The following GPR158 variants were observed in gnomAD, a reference collection of about 807,000 sequenced individuals.
The protein encoded by GPR158 is G protein-coupled receptor 158.
In GPR158, 30 loss-of-function variants were observed where a neutral mutation model predicts 78.2. The observed-to-expected ratio is 0.38, with a 90% CI of 0.29 to 0.52. The LOEUF (loss-of-function observed/expected upper bound fraction) is 0.52, where lower values mean the gene tolerates loss of function less well. Ranked by LOEUF, GPR158 falls within the 20% of genes least tolerant of loss-of-function variation. GPR158 has a pLI of 0.83. For missense variants in GPR158, 1,463 were observed against 1,523.5 expected (o/e 0.96, Z 0.66); for synonymous variants, 581 against 591.1 (o/e 0.98, Z 0.25).
intron 6 of GPR158, among the ~76,000 whole-genome samples, chr10:25,556,625 CATTCTT>C (rs1836790113): frequency 6.6e-6 from 1 of 152,134 alleles, no homozygotes; most frequent in African/African-American, 2.4e-5. Flanking sequence ...AAACAGGACT[CATTCTT>C]AAGCTTCTGA....
At chr10:25,304,747 A>G (rs1490187350) in intron 2 of GPR158, among the ~76,000 whole-genome samples, 1 of 152,156 alleles carries the variant, frequency 6.6e-6, no homozygotes, top group East Asian at 1.9e-4. Context: ...GTAGGCTAAT[A>G]AGTATCACAG....
rs1033931648 is a variant in GPR158 at position 25,599,317 on chromosome 10, A to G, written c.*43A>G. The G allele has an allele frequency of 1.6e-5, 22 of 1,362,464 alleles. No homozygotes were observed. The highest frequency in any genetic ancestry group is 2.0e-5 in the Non-Finnish European group (20 of 979,882). The allele number at this position is 1,362,464 out of a possible 1,614,324, so 84.4% of individuals were successfully genotyped here. On this transcript the variant is annotated 3_prime_UTR_variant, in exon 11 of 11. Transcript: ENST00000376351. ...GGAAAAGGAGGGAACCCCGGATTGG[A>G]TATGAGACAGAAGATATAAGAATCA...
At chr10:25,333,826 T>C (rs1352123991) in intron 2 of GPR158, among the ~76,000 whole-genome samples, 1 of 152,208 alleles carries the variant, frequency 6.6e-6, no homozygotes, top group East Asian at 1.9e-4. Context: ...GACGATTTCC[T>C]GGAGCTTTGA....
At chr10:25,307,475 C>T (rs1337572934) in intron 2 of GPR158, among the ~76,000 whole-genome samples, 1 of 150,216 alleles carries the variant, frequency 6.7e-6, no homozygotes, top group Non-Finnish European at 1.5e-5. Context: ...TGTTGCCCTC[C>T]TGGGGTCAAG....
At chr10:25,522,853 A>G (rs1389977879) in intron 5 of GPR158, among the ~76,000 whole-genome samples, 2 of 152,194 alleles carry the variant, frequency 1.3e-5, no homozygotes, top group Non-Finnish European at 2.9e-5. Flanking sequence ...TTAAAGACCC[A>G]TAGTGATTGT....
chr10:25,574,172 A>AC (rs1837055433), intron 7 of GPR158, among the ~76,000 whole-genome samples: 2 of 134,532 alleles, frequency 1.5e-5, no homozygotes, highest in African/African-American at 5.6e-5. Flanking sequence ...AAAAAAAAAA[A>AC]CCTCAAAATA....
At chr10:25,335,764 A>C (rs75573038) in intron 2 of GPR158, among the ~76,000 whole-genome samples, 3,768 of 152,180 alleles carry the variant, frequency 0.025, 160 homozygotes, top group African/African-American at 0.086. Context: ...GCCATTTTAT[A>C]GTAAAAAACA....
Position 25,561,665 on chromosome 10 carries a change from C to A in GPR158, c.1514+10580C>A, listed in dbSNP as rs186845424. 2.6e-4 allele frequency among the ~76,000 whole-genome samples: 39 copies of A among 148,954 alleles called. No individual in the cohort carries two copies. The East Asian group carries it at 6.2e-3, about 24-fold the overall frequency. ...ATGTCCTTTATTTGCAATATTATTACAACTGAAAAGGCTTCAAAGGAGTGG... is the reference window on the plus strand; with the variant it reads ...ATGTCCTTTATTTGCAATATTATTAAAACTGAAAAGGCTTCAAAGGAGTGG... On this transcript the variant is annotated intron_variant, in intron 6 of 10. Transcript: ENST00000376351.
At chr10:25,584,456 G>A (rs976361) in intron 7 of GPR158, among the ~76,000 whole-genome samples, 53,328 of 151,978 alleles carry the variant, frequency 0.35, 9,532 homozygotes, top group East Asian at 0.49. Context: ...CAACCGAGCT[G>A]TTATGAGAAA....
intron 7 of GPR158, among the ~76,000 whole-genome samples, chr10:25,588,347 G>A (rs533317489): frequency 9.1e-4 from 139 of 152,266 alleles, no homozygotes; most frequent in Non-Finnish European, 1.6e-3. Flanking sequence ...TGAAGTCCTC[G>A]TTCTTAGCTG....
rs946002813 is a variant in GPR158, at chr10:25,279,220, G to A, written c.1008+58063G>A. On this transcript the variant is annotated intron_variant, in intron 2 of 10. Transcript: ENST00000376351. Reference sequence around the variant, plus strand: ...TACTACTAGTTTACATAAATTTCACGCTAGTGATATGCCAGCCATGTTCTG... The same window carrying A: ...TACTACTAGTTTACATAAATTTCACACTAGTGATATGCCAGCCATGTTCTG... Among the ~76,000 whole-genome samples the A allele has an allele frequency of 6.6e-5, 10 of 152,058 alleles. No individual in the cohort carries two copies. In the East Asian group the frequency reaches 9.6e-4, roughly 15 times the overall value.
chr10:25,446,041 A>G (rs1026717948), intron 4 of GPR158, among the ~76,000 whole-genome samples: 1 of 152,114 alleles, frequency 6.6e-6, no homozygotes, highest in African/African-American at 2.4e-5. Context: ...TGGAAGAGGT[A>G]CCTCAGAGGA....
intron 2 of GPR158, among the ~76,000 whole-genome samples, chr10:25,292,311 A>G (rs1338915097): frequency 6.6e-6 from 1 of 152,124 alleles, no homozygotes; most frequent in East Asian, 1.9e-4. Context: ...CATTTTAAAG[A>G]AACATTTAGA....
intron 8 of GPR158, among the ~76,000 whole-genome samples, chr10:25,593,128 A>G (rs1701331287): frequency 6.6e-6 from 1 of 151,866 alleles, no homozygotes; most frequent in Non-Finnish European, 1.5e-5. Flanking sequence ...TTACAAGCCT[A>G]TTTGGTTTGC....
At chr10:25,230,951 C>T (rs1177601865) in intron 2 of GPR158, among the ~76,000 whole-genome samples, 1 of 152,034 alleles carries the variant, frequency 6.6e-6, no homozygotes, top group Non-Finnish European at 1.5e-5. Context: ...GGACTAGATA[C>T]CTCTAAATTT....
chr10:25,563,197 CT>C (rs1192666057), intron 6 of GPR158, among the ~76,000 whole-genome samples: 96 of 152,180 alleles, frequency 6.3e-4, no homozygotes, highest in African/African-American at 2.2e-3. Flanking sequence ...GTTGGATCAT[CT>C]TTTTAAAAAT....
At chr10:25,541,525 G>C (rs564400656) in intron 5 of GPR158, among the ~76,000 whole-genome samples, 33 of 151,046 alleles carry the variant, frequency 2.2e-4, no homozygotes, top group Non-Finnish European at 4.6e-4. Context: ...TCTTAATGTT[G>C]TGCCTTTCAC....
At chr10:25,317,716 G>GT (rs756759445) in intron 2 of GPR158, among the ~76,000 whole-genome samples, 4,952 of 133,916 alleles carry the variant, frequency 0.037, 176 homozygotes, top group African/African-American at 0.051. Context: ...TTCGTAAAGT[G>GT]TTTTTTTTTG....
chr10:25,239,465 G>A (rs955186431), intron 2 of GPR158, among the ~76,000 whole-genome samples: 8 of 152,012 alleles, frequency 5.3e-5, no homozygotes, highest in Non-Finnish European at 1.0e-4. Context: ...AAAATGAGCC[G>A]GGCATGGTGG....
Sources: gnomAD v4.1 joint callset for allele counts (sites outside exome capture counted in the v4.1 genomes callset) on GRCh38, gnomAD v4.1.1 for gene constraint, MANE v1.5 for transcripts, NCBI Gene and HGNC (gene_info 2026-07-23, HGNC 2026-07-21) for gene names.